Variants in TBC1D5 observed in about 807,000 individuals in gnomAD.
The protein encoded by TBC1D5 is TBC1 domain family, member 5.
Under a neutral mutation model 100.3 loss-of-function variants are expected in TBC1D5, and 75 were observed. The ratio of observed to expected loss-of-function variants is 0.75; its 90% CI spans 0.62 to 0.91. The LOEUF is 0.91. Among genes scored for constraint, TBC1D5 ranks in the 40% least tolerant of loss-of-function variants. The pLI, the probability that TBC1D5 is intolerant of heterozygous loss-of-function variation, is 0.00. For synonymous variants in TBC1D5, 323 were observed against 325.6 expected (o/e 0.99, Z 0.09); for missense variants, 910 against 942.4 (o/e 0.97, Z 0.45).
chr3:17,620,897 T>C (rs1306751053), intron 2 of TBC1D5, among the ~76,000 whole-genome samples: 1 of 152,124 alleles, frequency 6.6e-6, no homozygotes, highest in Non-Finnish European at 1.5e-5. Flanking sequence ...AACTAAGTAA[T>C]TATGAGAACA....
intron 18 of TBC1D5, among the ~76,000 whole-genome samples, chr3:17,207,792 A>G (rs2072420374): frequency 6.6e-6 from 1 of 152,258 alleles, no homozygotes; most frequent in Non-Finnish European, 1.5e-5. Flanking sequence ...CGTTACAAGC[A>G]GATTTTACTG....
intron 1 of TBC1D5, among the ~76,000 whole-genome samples, chr3:17,712,441 T>C (rs1233152736): frequency 2.0e-5 from 3 of 152,182 alleles, no homozygotes; most frequent in Admixed American, 1.3e-4. Flanking sequence ...GTCCCCTCTG[T>C]TTTTATAATG....
At chr3:17,720,166 AAGTATT>A (rs2075576021) in intron 1 of TBC1D5, among the ~76,000 whole-genome samples, 2 of 152,226 alleles carry the variant, frequency 1.3e-5, no homozygotes, top group Admixed American at 6.5e-5. Context: ...AATCACTTTC[AAGTATT>A]TGACTGAAGA....
chr3:17,319,906 C>A (rs779623031), intron 13 of TBC1D5, among the ~76,000 whole-genome samples: 1 of 151,990 alleles, frequency 6.6e-6, no homozygotes, highest in African/African-American at 2.4e-5. Flanking sequence ...AACAGGAGCA[C>A]ATATTTTTAA....
intron 1 of TBC1D5, among the ~76,000 whole-genome samples, chr3:17,662,165 T>G (rs575281059): frequency 5.6e-4 from 85 of 152,310 alleles, no homozygotes; most frequent in Middle Eastern, 3.4e-3. Flanking sequence ...AGCACTGGGA[T>G]TACAGGCATG....
chr3:17,720,781 C>T (rs762452953), intron 1 of TBC1D5, among the ~76,000 whole-genome samples: 14 of 151,720 alleles, frequency 9.2e-5, no homozygotes, highest in Non-Finnish European at 1.6e-4. Context: ...CGCCACTACC[C>T]TGTAGCCTGA....
intron 16 of TBC1D5, among the ~76,000 whole-genome samples, chr3:17,244,144 T>C (rs2076536102): frequency 6.6e-6 from 1 of 152,304 alleles, no homozygotes; most frequent in Middle Eastern, 3.4e-3. Flanking sequence ...ACAGGCTTCA[T>C]TTACAAAAGT....
chr3:17,411,204 ATT>A (rs35110143), intron 4 of TBC1D5, among the ~76,000 whole-genome samples: 83 of 148,342 alleles, frequency 5.6e-4, no homozygotes, highest in African/African-American at 7.1e-4. Flanking sequence ...GATCCTTGGC[ATT>A]TTTTTTTTTT....
intron 17 of TBC1D5, among the ~76,000 whole-genome samples, chr3:17,233,326 T>C (rs1335782005): frequency 1.3e-5 from 2 of 152,176 alleles, no homozygotes; most frequent in Non-Finnish European, 2.9e-5. Flanking sequence ...TCAGAACTAA[T>C]TGGTCAAATA....
intron 2 of TBC1D5, among the ~76,000 whole-genome samples, chr3:17,542,123 A>G (rs538926735): frequency 1.1e-4 from 16 of 151,996 alleles, no homozygotes; most frequent in Admixed American, 2.6e-4. Flanking sequence ...CCCCATCTCT[A>G]TAAGAATTTT....
At chr3:17,563,834 G>A (rs867164990) in intron 2 of TBC1D5, among the ~76,000 whole-genome samples, 1 of 152,182 alleles carries the variant, frequency 6.6e-6, no homozygotes, top group Non-Finnish European at 1.5e-5. Flanking sequence ...CCAGGCTGGA[G>A]TGCAGTGGCT....
At chr3:17,268,700 C>T (rs181141802) in intron 15 of TBC1D5, among the ~76,000 whole-genome samples, 101 of 152,096 alleles carry the variant, frequency 6.6e-4, no homozygotes, top group African/African-American at 2.3e-3. Flanking sequence ...GTTGCCTATA[C>T]CCATATTTGA....
At chr3:17,255,272 C>T (rs1246278202) in intron 16 of TBC1D5, among the ~76,000 whole-genome samples, 24 of 152,282 alleles carry the variant, frequency 1.6e-4, no homozygotes. Context: ...ACGATCTCGG[C>T]TCACTGCAAC....
intron 17 of TBC1D5, among the ~76,000 whole-genome samples, chr3:17,223,541 G>A (rs544376396): frequency 6.6e-6 from 1 of 152,248 alleles, no homozygotes; most frequent in Admixed American, 6.5e-5. Flanking sequence ...AGCATCGTAA[G>A]TTAAACCCAG....
At chr3:17,636,679 T>C (rs2063961156) in intron 1 of TBC1D5, among the ~76,000 whole-genome samples, 1 of 151,482 alleles carries the variant, frequency 6.6e-6, no homozygotes, top group Admixed American at 6.6e-5. Context: ...CAGGCGCCTG[T>C]AGTCCCAGCT....
At chr3:17,713,320 C>CA (rs1288999618) in intron 1 of TBC1D5, among the ~76,000 whole-genome samples, 1 of 150,840 alleles carries the variant, frequency 6.6e-6, no homozygotes, top group Non-Finnish European at 1.5e-5. Context: ...CAGCTTACTG[C>CA]AAGCTCCGCC....
chr3:17,622,425 A>G (rs1212067379), intron 2 of TBC1D5, among the ~76,000 whole-genome samples: 1 of 152,178 alleles, frequency 6.6e-6, no homozygotes, highest in Non-Finnish European at 1.5e-5. Flanking sequence ...TATCAGTACC[A>G]TTTATGCGTA....
rs576784247 is a variant in TBC1D5, at chr3:17,400,927, C to T, written c.509+2254G>A. 5.3e-5 allele frequency among the ~76,000 whole-genome samples: 8 copies of T among 152,212 alleles called. No individual in the cohort carries two copies. In the South Asian group the frequency reaches 1.2e-3, roughly 24 times the overall value. On this transcript the variant is annotated intron_variant, in intron 8 of 21. Coordinates refer to ENST00000253692, the Ensembl canonical transcript of TBC1D5. ...AGCCATAGACTGAAGGCTGCACTGT[C>T]GGCTTCCCTACTTTTAAGGTGTTGG...
At chr3:17,651,111 A>G (rs1198940582) in intron 1 of TBC1D5, among the ~76,000 whole-genome samples, 1 of 152,140 alleles carries the variant, frequency 6.6e-6, no homozygotes, top group Non-Finnish European at 1.5e-5. Flanking sequence ...TTGTTATTCA[A>G]TTGTTTTTCT....
Sources: gnomAD v4.1 joint callset for allele counts (sites outside exome capture counted in the v4.1 genomes callset) on GRCh38, gnomAD v4.1.1 for gene constraint, MANE v1.5 for transcripts, NCBI Gene and HGNC (gene_info 2026-07-23, HGNC 2026-07-21) for gene names.